The following SERPINB5 variants were observed in gnomAD, a reference collection of about 807,000 sequenced individuals.
SERPINB5 encodes the protein serpin B5.
SERPINB5 carries 27 observed loss-of-function variants against 32.2 expected under a neutral mutation model. The observed-to-expected ratio is 0.84, with a 90% CI of 0.62 to 1.16. SERPINB5 has a LOEUF of 1.16. Ranked by LOEUF, SERPINB5 falls within the 50% of genes most tolerant of loss-of-function variation. The pLI is 0.00. For synonymous variants in SERPINB5, 154 were observed against 157.4 expected, an observed-to-expected ratio of 0.98 and a Z score of 0.16; for missense variants, 388 against 436.3, an observed-to-expected ratio of 0.89 and a Z score of 0.99.
At chr18:63,497,542 G>A in intron 5 of SERPINB5, 7 of 394,860 alleles carry the variant, frequency 1.8e-5, no homozygotes, top group South Asian at 1.0e-4. Context: ...GAGCTCAAAG[G>A]GACTTAGAGA....
chr18:63,479,456 C>T (rs1050494622), intron 1 of SERPINB5, among the ~76,000 whole-genome samples: 1 of 152,220 alleles, frequency 6.6e-6, no homozygotes, highest in African/African-American at 2.4e-5. Flanking sequence ...TCTCCATTCA[C>T]TGGGGCCTCT....
chr18:63,501,097 GGTTT>G (rs1289699571), intron 6 of SERPINB5, among the ~76,000 whole-genome samples: 2 of 151,068 alleles, frequency 1.3e-5, no homozygotes, highest in Non-Finnish European at 2.9e-5. Flanking sequence ...ACAATGTGCA[GGTTT>G]GTTACATGTA....
chr18:63,490,617 A>G (rs141278208), intron 4 of SERPINB5: 3 of 152,184 alleles, frequency 2.0e-5, no homozygotes, highest in East Asian at 1.9e-4. Flanking sequence ...GCCCCCAGCT[A>G]CTCTGTCTCT....
At chr18:63,495,710 A>G (rs897911777) in intron 5 of SERPINB5, among the ~76,000 whole-genome samples, 26 of 152,216 alleles carry the variant, frequency 1.7e-4, no homozygotes, top group African/African-American at 6.0e-4. Context: ...TATTCTTGCT[A>G]TTAAATCATA....
chr18:63,493,622 G>C, intron 5 of SERPINB5: 1 of 162,478 alleles, frequency 6.2e-6, no homozygotes, highest in Admixed American at 6.1e-5. Context: ...ACTTTGGGAA[G>C]CCGAGGAGGG....
At chr18:63,493,339 A>C in intron 5 of SERPINB5, 1 of 583,312 alleles carries the variant, frequency 1.7e-6, no homozygotes, top group Admixed American at 3.1e-5. Flanking sequence ...TAGAATTTGT[A>C]ACCCAGCGAG....
chr18:63,498,374 C>A lies in SERPINB5; in HGVS notation c.568-746C>A, dbSNP rs1054024461. On this transcript the variant is annotated intron_variant, in intron 5 of 6. Coordinates refer to ENST00000382771, the MANE Select transcript of SERPINB5 (RefSeq NM_002639.5). The surrounding 1 kb of genome is among the most constrained non-coding windows in gnomAD (Gnocchi z 4.2). ...TACAGGCATGAGGCACCGTGCCCAG[C>A]CAGTTTTTGAAATTAGGCATTTTAT... Among the ~76,000 whole-genome samples the A allele has an allele frequency of 2.0e-5, 3 of 152,096 alleles. No individual in the cohort carries two copies. The highest frequency in any genetic ancestry group is 4.8e-5 in the African/African-American group (2 of 41,398).
chr18:63,481,315 T>G (rs1381931930), intron 1 of SERPINB5, among the ~76,000 whole-genome samples: 1 of 152,214 alleles, frequency 6.6e-6, no homozygotes, highest in African/African-American at 2.4e-5. Flanking sequence ...TAAGATCCAT[T>G]TGTAGGTGTT....
chr18:63,497,335 G>T, intron 5 of SERPINB5: 1 of 1,297,932 alleles, frequency 7.7e-7, no homozygotes. Flanking sequence ...TCTGGGCTTT[G>T]CCCTGTCTGA....
At chr18:63,484,312 T>G (rs901487518) in intron 1 of SERPINB5, 110 bp from the exon 2 acceptor site, 24 of 1,073,572 alleles carry the variant, frequency 2.2e-5, no homozygotes, top group South Asian at 3.6e-5. Context: ...TTGTTTCTTC[T>G]GAGATCAATT....
intron 1 of SERPINB5, among the ~76,000 whole-genome samples, chr18:63,482,961 G>T (rs1348500935): frequency 6.6e-6 from 1 of 151,970 alleles, no homozygotes; most frequent in Non-Finnish European, 1.5e-5. Context: ...TTAATAGAAG[G>T]GATGTCATAT....
At chr18:63,484,728 G>A in intron 2 of SERPINB5, 132 bp downstream of exon 2, 1 of 319,472 alleles carries the variant, frequency 3.1e-6, no homozygotes, top group South Asian at 4.5e-5. Context: ...TGCCATTCCA[G>A]GACTCTCTTA....
At chr18:63,491,765 G>A (rs372426861) in intron 4 of SERPINB5, among the ~76,000 whole-genome samples, 5 of 152,130 alleles carry the variant, frequency 3.3e-5, no homozygotes, top group African/African-American at 7.2e-5. Flanking sequence ...GTCAGCCACC[G>A]CATCCAGCCA....
Position 63,503,789 on chromosome 18 carries a change from C to T in SERPINB5, c.*67C>T. The T allele has an allele frequency of 6.8e-7, 1 of 1,476,644 alleles. No individual in the cohort carries two copies. Among genetic ancestry groups the T allele is most frequent in the Non-Finnish European group, 9.3e-7 (1 of 1,072,238 alleles). 91.5% of individuals were successfully genotyped at this position (1,476,644 alleles called of 1,614,324 possible). A position where few individuals can be genotyped will look rare whatever the true frequency, so the allele number is the denominator to read the frequency against. Reference sequence around the variant, plus strand: ...ATGCCGATTTCTGTAAACTCTGCATCCAGAGATTCATTTTCTAGATACAAT... The same window carrying T: ...ATGCCGATTTCTGTAAACTCTGCATTCAGAGATTCATTTTCTAGATACAAT... On this transcript the variant is annotated 3_prime_UTR_variant, in exon 7 of 7. Transcript: ENST00000382771.
intron 4 of SERPINB5, 146 bp from the exon 5 acceptor site, chr18:63,492,807 C>G: frequency 1.0e-6 from 1 of 963,154 alleles, no homozygotes; most frequent in Non-Finnish European, 1.6e-6. Flanking sequence ...AGAAAGGAGT[C>G]CTTCTGAAAT....
At chr18:63,494,321 CAAAAAA>C (rs372412366) in intron 5 of SERPINB5, among the ~76,000 whole-genome samples, 1 of 46,688 alleles carries the variant, frequency 2.1e-5, no homozygotes, top group Admixed American at 3.0e-4. Flanking sequence ...GACTCCATCT[CAAAAAA>C]AAAAAAAAAA....
chr18:63,489,710 C>T (rs1184920998), intron 4 of SERPINB5, among the ~76,000 whole-genome samples: 2 of 152,150 alleles, frequency 1.3e-5, no homozygotes, highest in African/African-American at 2.4e-5. Context: ...TGCTCTCTGA[C>T]GAGCTGTCAC....
At chr18:63,496,556 A>G (rs1013071435) in intron 5 of SERPINB5, among the ~76,000 whole-genome samples, 7 of 152,232 alleles carry the variant, frequency 4.6e-5, no homozygotes, top group Non-Finnish European at 7.3e-5. Context: ...AAGTGTTAAA[A>G]TAGAGGTATA....
At chr18:63,499,064 TA>T (rs1457762083) in intron 5 of SERPINB5, 55 bp from the exon 6 acceptor site, 30 of 851,020 alleles carry the variant, frequency 3.5e-5, no homozygotes, top group Non-Finnish European at 4.4e-5. Context: ...TATATATATA[TA>T]TATTTATGCA....
Sources: allele counts gnomAD v4.1 joint callset (sites outside exome capture counted in the v4.1 genomes callset), GRCh38; gene constraint gnomAD v4.1.1; non-coding constraint Gnocchi (gnomAD v3.1); transcripts MANE v1.5; gene names NCBI Gene and HGNC (gene_info 2026-07-23, HGNC 2026-07-21).